The following NSF variants were observed in gnomAD, a reference collection of about 807,000 sequenced individuals.
The protein encoded by NSF is vesicle-fusing ATPase.
In NSF, 14 loss-of-function variants were observed where a neutral mutation model predicts 50.3. That is an observed-to-expected ratio of 0.28 (90% CI 0.18 to 0.44). The LOEUF (loss-of-function observed/expected upper bound fraction) is 0.44. Among genes scored for constraint, NSF ranks in the 20% least tolerant of loss-of-function variants. The probability of loss-of-function intolerance (pLI) is 1.00; values close to 1 mark genes in which losing one functional copy is unlikely to be tolerated. For missense variants in NSF, 218 were observed against 504.3 expected, an observed-to-expected ratio of 0.43 and a Z score of 5.44; for synonymous variants, 109 against 175.7, an observed-to-expected ratio of 0.62 and a Z score of 3.00.
At chr17:46,676,301 C>T (rs1370961456) in intron 9 of NSF, among the ~76,000 whole-genome samples, 11 of 137,696 alleles carry the variant, frequency 8.0e-5, no homozygotes, top group African/African-American at 3.0e-4. Context: ...GGCGTGATCT[C>T]GGCTCACCAC....
intron 17 of NSF, among the ~76,000 whole-genome samples, chr17:46,743,512 A>G (rs1169544190): frequency 2.6e-5 from 4 of 152,194 alleles, no homozygotes; most frequent in Non-Finnish European, 5.9e-5. Flanking sequence ...AAGTTAAATA[A>G]TCTACCCCAA....
At chr17:46,690,624 A>AATAT (rs1374633889) in intron 9 of NSF, among the ~76,000 whole-genome samples, 3,294 of 110,606 alleles carry the variant, frequency 0.03, 145 homozygotes, top group African/African-American at 0.079. Flanking sequence ...AAAAAAAAAA[A>AATAT]ATATATATAT....
intron 15 of NSF, among the ~76,000 whole-genome samples, chr17:46,714,542 CA>C (rs1276359837): frequency 1.3e-5 from 2 of 152,184 alleles, no homozygotes; most frequent in African/African-American, 2.4e-5. Flanking sequence ...TTTCTACCAT[CA>C]GTGAAGTTAG....
rs151211866 is a variant in NSF at position 46,754,450 on chromosome 17, T to C, written c.2158-864T>C. ...TTCCTGGAGGGCAGGGAGTTCCCTC[T>C]TGGGAAACAGACTCCTGCTCTGAAA... On this transcript the variant is annotated intron_variant, in intron 19 of 20. Coordinates refer to ENST00000398238, the MANE Select transcript of NSF (RefSeq NM_006178.4). 1.8e-4 allele frequency among the ~76,000 whole-genome samples: 28 copies of C among 152,326 alleles called. 1 individual carries two copies. The East Asian group carries it at 5.0e-3, about 27-fold the overall frequency.
At chr17:46,721,320 C>A (rs928300221) in intron 15 of NSF, among the ~76,000 whole-genome samples, 5 of 152,150 alleles carry the variant, frequency 3.3e-5, no homozygotes, top group Non-Finnish European at 7.3e-5. Context: ...AGCTGCTCTT[C>A]CTTCCTTTAG....
chr17:46,667,948 C>T (rs1028640902), intron 8 of NSF, among the ~76,000 whole-genome samples: 1 of 140,258 alleles, frequency 7.1e-6, no homozygotes, highest in Non-Finnish European at 1.6e-5. Context: ...CCCAGCTTAA[C>T]CTCCATGGTC....
At chr17:46,720,427 A>G (rs2146280157) in intron 15 of NSF, among the ~76,000 whole-genome samples, 1 of 152,076 alleles carries the variant, frequency 6.6e-6, no homozygotes, top group East Asian at 1.9e-4. Flanking sequence ...AAAATGTAAG[A>G]TTTTTTCCTG....
rs200774023 is a variant in NSF, at chr17:46,610,007, C to CTCTTTCTTTCTT, written c.13-14225_13-14214dup. Among the ~76,000 whole-genome samples, 133 of 116,986 alleles carry CTCTTTCTTTCTT rather than the reference C, an allele frequency of 1.1e-3. 1 individual carries two copies. Among genetic ancestry groups the CTCTTTCTTTCTT allele is most frequent in the African/African-American group, 4.1e-3 (131 of 31,670 alleles). The allele number at this position is 116,986 out of a possible 152,430, so 76.7% of individuals were successfully genotyped here. A position where few individuals can be genotyped will look rare whatever the true frequency, so the allele number is the denominator to read the frequency against. Reference sequence around the variant, plus strand: ...AGGCTAATTTATTTTCTTTCTTTCTCTCTTTCTTTCTTTCTTTCTTTCTCT... The same window carrying CTCTTTCTTTCTT: ...AGGCTAATTTATTTTCTTTCTTTCTCTCTTTCTTTCTTTCTTTCTTTCTTTCTTTCTTTCTCT... On this transcript the variant is annotated intron_variant, in intron 1 of 20. Transcript: ENST00000398238.
At chr17:46,609,835 T>C (rs1326304252) in intron 1 of NSF, among the ~76,000 whole-genome samples, 2 of 141,804 alleles carry the variant, frequency 1.4e-5, no homozygotes, top group African/African-American at 5.2e-5. Flanking sequence ...TTCTTTTTTT[T>C]TTTTTTTTGA....
At chr17:46,732,691 AC>A (rs1443281644) in intron 17 of NSF, among the ~76,000 whole-genome samples, 1 of 152,176 alleles carries the variant, frequency 6.6e-6, no homozygotes, top group Non-Finnish European at 1.5e-5. Flanking sequence ...TCTTTTTAAA[AC>A]CAATTAAAAG....
In NSF at chr17:46,742,502, T is replaced by G. The variant is rs79736989; in HGVS notation, c.1909-7271T>G. Reference sequence around the variant, plus strand: ...CTGATGAAGGAGAACTAGCAAGAAATACAGTAAATATAGTAAGTATATAGT... The same window carrying G: ...CTGATGAAGGAGAACTAGCAAGAAAGACAGTAAATATAGTAAGTATATAGT... On this transcript the variant is annotated intron_variant, in intron 17 of 20. Coordinates refer to ENST00000398238, the MANE Select transcript of NSF (RefSeq NM_006178.4). Among the ~76,000 whole-genome samples the G allele has an allele frequency of 9.6e-3, 1,466 of 152,284 alleles. 31 individuals are homozygous for G. Among genetic ancestry groups the G allele is most frequent in the African/African-American group, 0.03 (1,263 of 41,538 alleles).
At chr17:46,724,100 G>A (rs1198390046) in intron 15 of NSF, among the ~76,000 whole-genome samples, 1 of 152,022 alleles carries the variant, frequency 6.6e-6, no homozygotes, top group Non-Finnish European at 1.5e-5. Context: ...TCACATCTCT[G>A]TGTCTCCTAA....
intron 17 of NSF, among the ~76,000 whole-genome samples, chr17:46,730,612 A>G (rs1326871826): frequency 6.6e-6 from 1 of 152,210 alleles, no homozygotes; most frequent in Non-Finnish European, 1.5e-5. Context: ...TAAATCTCAC[A>G]GCCAATGGCA....
At chr17:46,753,953 A>G (rs895382613) in intron 19 of NSF, among the ~76,000 whole-genome samples, 1 of 152,238 alleles carries the variant, frequency 6.6e-6, no homozygotes, top group African/African-American at 2.4e-5. Context: ...AAACTTGCAC[A>G]GAGCTGAGGA....
intron 19 of NSF, among the ~76,000 whole-genome samples, chr17:46,753,210 A>G (rs1053595460): frequency 1.3e-5 from 2 of 152,218 alleles, no homozygotes; most frequent in Non-Finnish European, 1.5e-5. Flanking sequence ...TCTAGGCATC[A>G]TGTGTTACTT....
rs376726891 is a variant in NSF, at chr17:46,751,541, T to A, written c.2082T>A (p.Ile694=). The A allele has an allele frequency of 6.2e-7, 1 of 1,614,098 alleles. No individual in the cohort carries two copies. Among genetic ancestry groups the A allele is most frequent in the African/African-American group, 1.3e-5 (1 of 75,046 alleles). The stretch of plus-strand genomic sequence containing the variant: ...TCAAGGATAAGGAACGCACCACAAT[T>A]GCACAGCAAGTCAAAGGGAAGAAGG... ...GNFKDKERTT[I]AQQVKGKKVW... Residue 694 remains isoleucine (I), a synonymous_variant, in exon 19 of 21, where the codon ATT becomes ATA. Coordinates refer to ENST00000398238, the MANE Select transcript of NSF (RefSeq NM_006178.4).
intron 15 of NSF, among the ~76,000 whole-genome samples, chr17:46,715,702 T>C (rs2058761295): frequency 6.6e-6 from 1 of 152,228 alleles, no homozygotes; most frequent in Admixed American, 6.5e-5. Flanking sequence ...TTTAATCTCT[T>C]GCAAATTGAC....
At chr17:46,725,855 A>C (rs1333859251) in intron 15 of NSF, among the ~76,000 whole-genome samples, 1 of 152,114 alleles carries the variant, frequency 6.6e-6, no homozygotes, top group Non-Finnish European at 1.5e-5. Flanking sequence ...CATTTCCAAA[A>C]AGGCTAGTCT....
chr17:46,721,998 G>C, intron 15 of NSF: 2 of 1,607,216 alleles, frequency 1.2e-6, no homozygotes, highest in Non-Finnish European at 8.5e-7. Context: ...ATAGCTTTCC[G>C]ACCACCACCA....
Sources: allele counts gnomAD v4.1 joint callset (sites outside exome capture counted in the v4.1 genomes callset), GRCh38; gene constraint gnomAD v4.1.1; transcripts MANE v1.5; gene names NCBI Gene and HGNC (gene_info 2026-07-23, HGNC 2026-07-21).